The following C3orf22 variants were observed in gnomAD, a reference collection of about 807,000 sequenced individuals.
The protein encoded by C3orf22 is chromosome 3 open reading frame 22, also known as uncharacterized protein C3orf22.
Under a neutral mutation model 10.8 loss-of-function variants are expected in C3orf22, and 7 were observed. The observed-to-expected ratio is 0.65, with a 90% CI of 0.37 to 1.22. The LOEUF (loss-of-function observed/expected upper bound fraction) is 1.22, where lower values mean the gene tolerates loss of function less well. C3orf22 is among the 50% of genes most tolerant of loss of function. The pLI, the probability that C3orf22 is intolerant of heterozygous loss-of-function variation, is 0.02. For missense variants in C3orf22, 173 were observed against 177.0 expected (o/e 0.98, Z 0.13); for synonymous variants, 79 against 78.9 (o/e 1.00, Z 0.00).
intron 2 of C3orf22, among the ~76,000 whole-genome samples, chr3:126,552,333 G>A (rs1354568872): frequency 6.6e-6 from 1 of 152,256 alleles, no homozygotes; most frequent in East Asian, 1.9e-4. Context: ...ACAGCCAGGA[G>A]GTGGGAACTA....
At chr3:126,549,010 G>A (rs1476028217), downstream of C3orf22, among the ~76,000 whole-genome samples, 4 of 152,178 alleles carry the variant, frequency 2.6e-5, no homozygotes, top group African/African-American at 7.2e-5. Flanking sequence ...ACACAGTGGG[G>A]GGACCCTTAA....
At chr3:126,549,262 C>CCA (rs1553709303), downstream of C3orf22, among the ~76,000 whole-genome samples, 4 of 148,320 alleles carry the variant, frequency 2.7e-5, no homozygotes, top group African/African-American at 1.0e-4. Context: ...CCCCCCCCCC[C>CCA]ACACACACAC....
chr3:126,532,841 T>C (rs1238158030), intron 4 of C3orf22, among the ~76,000 whole-genome samples: 1 of 152,232 alleles, frequency 6.6e-6, no homozygotes, highest in African/African-American at 2.4e-5. Flanking sequence ...AAAGAATCTG[T>C]AGATGACTTT....
At chr3:126,557,574 C>T (rs2107587758) in intron 1 of C3orf22, among the ~76,000 whole-genome samples, 1 of 152,274 alleles carries the variant, frequency 6.6e-6, no homozygotes, top group African/African-American at 2.4e-5. Flanking sequence ...AGGCCCGAGG[C>T]GGGAGGCTGC....
chr3:126,536,379 GCATGCCCCCCTC>G, intron 4 of C3orf22: 1 of 1,580,818 alleles, frequency 6.3e-7, no homozygotes, highest in South Asian at 1.1e-5. Context: ...CTCGACCCAG[GCATGCCCCCCTC>G]CATCCCAGCC....
At chr3:126,529,505 G>A (rs1301374791) in intron 4 of C3orf22, 6 of 720,726 alleles carry the variant, frequency 8.3e-6, no homozygotes, top group Admixed American at 3.3e-5. Context: ...CAGCAAGGAA[G>A]CTGTGAGGCC....
intron 1 of C3orf22, among the ~76,000 whole-genome samples, chr3:126,556,806 C>T (rs1937346915): frequency 6.9e-6 from 1 of 144,548 alleles, no homozygotes. Flanking sequence ...CTCAGGCTCA[C>T]CCACACACAC....
Position 126,557,938 on chromosome 3 carries a change from G to A in C3orf22, c.-41+689C>T, listed in dbSNP as rs554374290. Among the ~76,000 whole-genome samples, 173 of 144,198 alleles carry A rather than the reference G, an allele frequency of 1.2e-3. No homozygotes were observed. The Middle Eastern group carries it at 0.044, about 37-fold the overall frequency. 94.6% of individuals were successfully genotyped at this position (144,198 alleles called of 152,430 possible). ...GTTCTGAGGACTCTGGGATGCCTTC[G>A]CTGGGCCTAAGCCCACAGTCCTGCA... On this transcript the variant is annotated intron_variant, in intron 1 of 3. Transcript: ENST00000318225.
rs1340533794 is a variant in C3orf22 at position 126,529,390 on chromosome 3, G to T, written c.287-18C>A. On this transcript the variant is annotated intron_variant and NMD_transcript_variant, in intron 4 of 5. Transcript: ENST00000505070. ...CCACTTGCCTACGGATGCCGCAAGG[G>T]GGGACAGGTGTCAGGACAAGGGGGC... The T allele has an allele frequency of 3.1e-6, 4 of 1,289,062 alleles. No individual in the cohort carries two copies. In the African/African-American group the frequency reaches 4.6e-5, roughly 15 times the overall value. The allele number at this position is 1,289,062 out of a possible 1,614,324, so 79.9% of individuals were successfully genotyped here.
At chr3:126,543,712 G>A (rs1937021098) in intron 4 of C3orf22, among the ~76,000 whole-genome samples, 1 of 148,656 alleles carries the variant, frequency 6.7e-6, no homozygotes, top group Admixed American at 6.8e-5. Flanking sequence ...GAGTGTAAGA[G>A]TGTGCATGTG....
At chr3:126,544,979 T>C (rs1937042421), downstream of C3orf22, among the ~76,000 whole-genome samples, 1 of 152,248 alleles carries the variant, frequency 6.6e-6, no homozygotes, top group Non-Finnish European at 1.5e-5. Flanking sequence ...GAACTCCACC[T>C]GCTCTGGCCT....
At position 126,544,470 on chromosome 3, in the gene C3orf22, G is replaced by A. The variant is rs796298549; in HGVS notation, c.286+5067C>T. On this transcript the variant is annotated intron_variant and NMD_transcript_variant, in intron 4 of 5. Coordinates refer to the C3orf22 transcript ENST00000505070. ...TTTAGAGACAGGCTGAGGAGGGAAG[G>A]ATGGGGCCTTGGCCACACTGGGGCC... 3.3e-5 allele frequency among the ~76,000 whole-genome samples: 5 copies of A among 152,278 alleles called. No individual in the cohort carries two copies. In the South Asian group the frequency reaches 1.0e-3, roughly 31 times the overall value.
intron 4 of C3orf22, among the ~76,000 whole-genome samples, chr3:126,539,073 G>A (rs1873396): frequency 0.12 from 18,016 of 152,014 alleles, 1,752 homozygotes; most frequent in African/African-American, 0.27. Context: ...CTCACCTACA[G>A]GCATGTATGT....
At chr3:126,555,889 G>A (rs79363617) in intron 1 of C3orf22, among the ~76,000 whole-genome samples, 1,695 of 152,314 alleles carry the variant, frequency 0.011, 33 homozygotes, top group African/African-American at 0.038. Flanking sequence ...TGATGGACAG[G>A]GCCATGTAGT....
At chr3:126,540,374 G>A (rs1260566132) in intron 4 of C3orf22, among the ~76,000 whole-genome samples, 1 of 152,118 alleles carries the variant, frequency 6.6e-6, no homozygotes, top group South Asian at 2.1e-4. Context: ...GCAGCCCAGT[G>A]TCCATCAGCA....
intron 4 of C3orf22, among the ~76,000 whole-genome samples, chr3:126,534,889 C>T (rs1205232256): frequency 6.7e-6 from 1 of 150,168 alleles, no homozygotes; most frequent in East Asian, 2.0e-4. Context: ...CATCCCTGTC[C>T]CCAGCCGGGA....
Position 126,549,853 on chromosome 3 carries a change from C to T in C3orf22, c.*15G>A, listed in dbSNP as rs1448935513. On this transcript the variant is annotated 3_prime_UTR_variant, in exon 4 of 4. Coordinates refer to ENST00000318225, the MANE Select transcript of C3orf22 (RefSeq NM_152533.3). Reference sequence around the variant, plus strand: ...GAAGGTGGCCAATAAGAAGGCCACACACAGAGCCCAGTCTCTAGGAGAGGC... The same window carrying T: ...GAAGGTGGCCAATAAGAAGGCCACATACAGAGCCCAGTCTCTAGGAGAGGC... The T allele has an allele frequency of 6.2e-7, 1 of 1,601,646 alleles. No individual in the cohort carries two copies. Among genetic ancestry groups the T allele is most frequent in the Non-Finnish European group, 8.5e-7 (1 of 1,173,266 alleles).
chr3:126,553,039 C>T (rs1288964663), intron 2 of C3orf22, among the ~76,000 whole-genome samples: 3 of 152,210 alleles, frequency 2.0e-5, no homozygotes, highest in East Asian at 1.9e-4. Flanking sequence ...CCATGCTCCT[C>T]GCGTGACTTG....
rs369467677 is a variant in C3orf22 at position 126,534,991 on chromosome 3, G to A, written c.287-5619C>T. Among the ~76,000 whole-genome samples the A allele has an allele frequency of 3.3e-3, 464 of 141,252 alleles. 8 individuals are homozygous for A. The highest frequency in any genetic ancestry group is 0.018 in the Admixed American group (261 of 14,128). The allele number at this position is 141,252 out of a possible 152,430, so 92.7% of individuals were successfully genotyped here. On this transcript the variant is annotated intron_variant and NMD_transcript_variant, in intron 4 of 5. Coordinates refer to the C3orf22 transcript ENST00000505070. Reference sequence around the variant, plus strand: ...CAGACCAGCATCCCTGTCCCCAGCCGGGAGACAGACAGACAGCATCCCTGT... The same window carrying A: ...CAGACCAGCATCCCTGTCCCCAGCCAGGAGACAGACAGACAGCATCCCTGT...
Sources: allele counts gnomAD v4.1 joint callset (sites outside exome capture counted in the v4.1 genomes callset), GRCh38; gene constraint gnomAD v4.1.1; transcripts MANE v1.5; gene names NCBI Gene and HGNC (gene_info 2026-07-23, HGNC 2026-07-21).